The following AGBL4 variants were observed in gnomAD, a reference collection of about 807,000 sequenced individuals.
AGBL4 encodes AGBL carboxypeptidase 4, also known as cytosolic carboxypeptidase 6.
A neutral mutation model predicts 66.4 loss-of-function variants in AGBL4; 58 were observed. The observed-to-expected ratio is 0.87, with a 90% confidence interval of 0.71 to 1.09. The LOEUF (loss-of-function observed/expected upper bound fraction) is 1.09. Ranked by LOEUF, AGBL4 falls within the 50% of genes least tolerant of loss-of-function variation. AGBL4 has a pLI of 0.00. For synonymous variants in AGBL4, 234 were observed against 222.9 expected (o/e 1.05, Z -0.44); for missense variants, 579 against 631.0 (o/e 0.92, Z 0.88).
intron 4 of AGBL4, among the ~76,000 whole-genome samples, chr1:49,196,251 C>T (rs1647250228): frequency 6.6e-6 from 1 of 152,068 alleles, no homozygotes; most frequent in African/African-American, 2.4e-5. Context: ...TTTTGTATGA[C>T]TGGATTAATT....
chr1:49,798,575 G>T (rs561464674), intron 2 of AGBL4, among the ~76,000 whole-genome samples: 1 of 152,036 alleles, frequency 6.6e-6, no homozygotes, highest in Non-Finnish European at 1.5e-5. Flanking sequence ...GAATATAACC[G>T]CATTCCAAAT....
intron 11 of AGBL4, chr1:48,585,018 G>A (rs1021479026): frequency 2.6e-5 from 4 of 152,168 alleles, no homozygotes; most frequent in African/African-American, 9.7e-5. Context: ...AGTTCTGTGA[G>A]TCAGGAATCA....
chr1:49,896,852 A>G (rs1649275685), intron 1 of AGBL4, among the ~76,000 whole-genome samples: 1 of 152,122 alleles, frequency 6.6e-6, no homozygotes, highest in African/African-American at 2.4e-5. Context: ...AATGAAGGAC[A>G]AAAACCATAT....
intron 5 of AGBL4, among the ~76,000 whole-genome samples, chr1:48,927,582 G>T (rs567407005): frequency 1.3e-5 from 2 of 152,118 alleles, no homozygotes; most frequent in Admixed American, 1.3e-4. Flanking sequence ...GAAGTCCCAC[G>T]AAAGAATATG....
intron 2 of AGBL4, among the ~76,000 whole-genome samples, chr1:49,752,801 T>C (rs1651579911): frequency 1.3e-5 from 2 of 152,240 alleles, no homozygotes; most frequent in Admixed American, 6.5e-5. Flanking sequence ...TCTTGTTGCA[T>C]TGATCCCTTT....
At chr1:48,794,493 C>T (rs1346399115) in intron 6 of AGBL4, among the ~76,000 whole-genome samples, 2 of 152,146 alleles carry the variant, frequency 1.3e-5, no homozygotes, top group Non-Finnish European at 2.9e-5. Flanking sequence ...ACTCACCTCC[C>T]ATTCACTCCT....
chr1:49,970,912 T>C (rs890450736), intron 1 of AGBL4, among the ~76,000 whole-genome samples: 3 of 152,172 alleles, frequency 2.0e-5, no homozygotes, highest in African/African-American at 7.2e-5. Context: ...CTTGAAACTA[T>C]TCATCTCTAA....
intron 6 of AGBL4, among the ~76,000 whole-genome samples, chr1:48,768,547 G>T (rs1162306575): frequency 6.6e-6 from 1 of 152,172 alleles, no homozygotes; most frequent in Non-Finnish European, 1.5e-5. Context: ...AAACAAGCAG[G>T]TGACAGGAAA....
chr1:49,016,534 C>CA (rs1393380425), intron 5 of AGBL4, among the ~76,000 whole-genome samples: 1 of 152,130 alleles, frequency 6.6e-6, no homozygotes, highest in Non-Finnish European at 1.5e-5. Flanking sequence ...GAAGAAAGCA[C>CA]ATTCTAGCTG....
intron 5 of AGBL4, among the ~76,000 whole-genome samples, chr1:49,013,766 C>A (rs529060249): frequency 1.1e-4 from 17 of 152,262 alleles, no homozygotes; most frequent in African/African-American, 4.1e-4. Context: ...GGCACTTAAC[C>A]CTGCCACTTT....
rs553212611 is a variant in AGBL4, at chr1:49,568,641, A to C, written c.282+128672T>G. ...TACCAATGATGTTCTTCATAGAACTAAAAAAAAACAAAAAGTATTTTAAAA... is the reference window on the plus strand; with the variant it reads ...TACCAATGATGTTCTTCATAGAACTCAAAAAAAACAAAAAGTATTTTAAAA... On this transcript the variant is annotated intron_variant, in intron 3 of 13. Coordinates refer to ENST00000371839, the MANE Select transcript of AGBL4 (RefSeq NM_032785.4). 6.6e-5 allele frequency among the ~76,000 whole-genome samples: 10 copies of C among 151,062 alleles called. No homozygotes were observed. The South Asian group carries it at 1.9e-3, about 29-fold the overall frequency.
intron 5 of AGBL4, among the ~76,000 whole-genome samples, chr1:48,911,664 T>C (rs1653122724): frequency 6.6e-6 from 1 of 151,926 alleles, no homozygotes; most frequent in Non-Finnish European, 1.5e-5. Flanking sequence ...TTATAGGTTA[T>C]TGAAAGGATA....
intron 5 of AGBL4, among the ~76,000 whole-genome samples, chr1:49,002,749 T>C (rs1245616478): frequency 6.6e-6 from 1 of 152,240 alleles, no homozygotes; most frequent in Admixed American, 6.5e-5. Flanking sequence ...TACATTAAAA[T>C]GCTTATTTGA....
At chr1:48,563,544 CAG>C (rs1018540557) in intron 11 of AGBL4, among the ~76,000 whole-genome samples, 1 of 151,816 alleles carries the variant, frequency 6.6e-6, no homozygotes, top group African/African-American at 2.4e-5. Flanking sequence ...AAGAGATAAA[CAG>C]AGAGGAGGAG....
chr1:48,771,654 A>T (rs1339485221), intron 6 of AGBL4, among the ~76,000 whole-genome samples: 1 of 152,204 alleles, frequency 6.6e-6, no homozygotes. Flanking sequence ...CAAGAAAATA[A>T]ATCCTTTTGT....
intron 5 of AGBL4, among the ~76,000 whole-genome samples, chr1:49,014,814 A>G (rs1236778071): frequency 1.3e-5 from 2 of 152,162 alleles, no homozygotes; most frequent in East Asian, 3.9e-4. Context: ...TTACCCAAAT[A>G]AGGACACTTC....
chr1:48,843,726 AATGATCTAGTATAAACTTCTC>A (rs1646854618), intron 6 of AGBL4, among the ~76,000 whole-genome samples: 1 of 152,080 alleles, frequency 6.6e-6, no homozygotes, highest in Admixed American at 6.6e-5. Context: ...GGCCCTTTGA[AATGATCTAGTATAAACTTCTC>A]ATTCTATAGA....
chr1:49,151,572 CAA>C (rs761946185), intron 4 of AGBL4, among the ~76,000 whole-genome samples: 4 of 78,672 alleles, frequency 5.1e-5, no homozygotes, highest in Non-Finnish European at 2.6e-5. Context: ...TTGACAGTTA[CAA>C]AAAAAAAAAA....
At chr1:48,820,739 A>G (rs765989768) in intron 6 of AGBL4, among the ~76,000 whole-genome samples, 3 of 152,192 alleles carry the variant, frequency 2.0e-5, no homozygotes, top group Non-Finnish European at 4.4e-5. Flanking sequence ...AACTCAGATT[A>G]GAGCTATACC....
Sources: allele counts gnomAD v4.1 joint callset (sites outside exome capture counted in the v4.1 genomes callset), GRCh38; gene constraint gnomAD v4.1.1; transcripts MANE v1.5; gene names NCBI Gene and HGNC (gene_info 2026-07-23, HGNC 2026-07-21).